The following SCN11A variants were observed in gnomAD, a reference collection of about 807,000 sequenced individuals.
SCN11A encodes the protein sodium channel protein type 11 subunit alpha.
SCN11A carries 122 observed loss-of-function variants against 162.2 expected under a neutral mutation model. The observed-to-expected ratio is 0.75, with a 90% CI of 0.65 to 0.87. The LOEUF is 0.87. Among genes scored for constraint, SCN11A ranks in the 40% least tolerant of loss-of-function variants. SCN11A has a pLI of 0.00. For synonymous variants in SCN11A, 758 were observed against 751.5 expected, an observed-to-expected ratio of 1.01 and a Z score of -0.14; for missense variants, 2,015 against 2,181.6, an observed-to-expected ratio of 0.92 and a Z score of 1.52.
intron 7 of SCN11A, among the ~76,000 whole-genome samples, chr3:38,938,829 G>T (rs1159935628): frequency 6.6e-6 from 1 of 151,366 alleles, no homozygotes; most frequent in Non-Finnish European, 1.5e-5. Context: ...CTCCCAAAGC[G>T]CTGGGATTAC....
chr3:38,852,641 C>T (rs964569955), intron 28 of SCN11A, among the ~76,000 whole-genome samples: 1 of 152,146 alleles, frequency 6.6e-6, no homozygotes, highest in Non-Finnish European at 1.5e-5. Flanking sequence ...TGTTCTATTA[C>T]TGGAAATGAA....
intron 9 of SCN11A, among the ~76,000 whole-genome samples, chr3:38,922,398 G>A (rs914148721): frequency 1.3e-5 from 2 of 152,232 alleles, no homozygotes; most frequent in African/African-American, 4.8e-5. Context: ...AAATGTGGAT[G>A]AGTGATGATT....
intron 7 of SCN11A, among the ~76,000 whole-genome samples, chr3:38,932,953 GC>G (rs2066268490): frequency 6.6e-6 from 1 of 152,208 alleles, no homozygotes. Flanking sequence ...CCCCCGAGCA[GC>G]CTAACTGGGA....
chr3:39,006,859 T>C (rs1184554962), intron 2 of SCN11A, among the ~76,000 whole-genome samples: 1 of 152,010 alleles, frequency 6.6e-6, no homozygotes, highest in Non-Finnish European at 1.5e-5. Flanking sequence ...CAGAGGACTT[T>C]AATGTCACTA....
rs946651866 is a variant in SCN11A at position 38,871,386 on chromosome 3, A to G, written c.3759+59T>C. On this transcript the variant is annotated intron_variant, in intron 25 of 29. Transcript: ENST00000302328. ...CTGCATTTTTATTAGCTGAGAAACA[A>G]TTCATGATTCTCTGAAGGTTTTTCT... 6.2e-6 allele frequency: 9 copies of G among 1,460,514 alleles called. No homozygotes were observed. The African/African-American group carries it at 9.9e-5, about 16-fold the overall frequency. The allele number at this position is 1,460,514 out of a possible 1,614,324, so 90.5% of individuals were successfully genotyped here.
intron 1 of SCN11A, among the ~76,000 whole-genome samples, chr3:39,034,393 A>T (rs939474421): frequency 1.3e-5 from 2 of 152,228 alleles, no homozygotes; most frequent in African/African-American, 4.8e-5. Context: ...CATTTGATAA[A>T]ATCCAACATC....
rs200572820 is a variant in SCN11A at position 38,876,987 on chromosome 3, GAT to G, written c.3393+2961_3393+2962del. 2.4e-3 allele frequency among the ~76,000 whole-genome samples: 366 copies of G among 149,448 alleles called. 5 individuals carry two copies. Among genetic ancestry groups the G allele is most frequent in the African/African-American group, 8.5e-3 (347 of 40,634 alleles). On this transcript the variant is annotated intron_variant, in intron 23 of 29. Coordinates refer to ENST00000302328, the MANE Select transcript of SCN11A (RefSeq NM_001349253.2). ...ATCAACCAGTGGATAAAGAAAATGT[GAT>G]ATATATATAGAGAGAGAAAGAGACA...
chr3:38,890,682 G>A (rs1265902090), intron 19 of SCN11A, among the ~76,000 whole-genome samples: 1 of 152,228 alleles, frequency 6.6e-6, no homozygotes, highest in Non-Finnish European at 1.5e-5. Context: ...GCCTAAAATC[G>A]AAGTGTAATA....
intron 5 of SCN11A, among the ~76,000 whole-genome samples, chr3:38,949,434 A>T (rs1410410032): frequency 1.3e-5 from 2 of 152,242 alleles, no homozygotes; most frequent in African/African-American, 4.8e-5. Context: ...TTGAGTTTAC[A>T]TAGAATCTGC....
Position 38,926,915 on chromosome 3 carries a change from T to A in SCN11A, c.505A>T (p.Ile169Phe). The A allele has an allele frequency of 6.2e-7, 1 of 1,612,968 alleles. No individual in the cohort carries two copies. The highest frequency in any genetic ancestry group is 8.5e-7 in the Non-Finnish European group (1 of 1,179,170). The change falls in exon 8 of 30, where the codon ATT becomes TTT. Residue 169 changes from isoleucine (I) to phenylalanine (F), a missense_variant. Coordinates refer to ENST00000302328, the MANE Select transcript of SCN11A (RefSeq NM_001349253.2). ...TTAATCAAAGCTTCAAAAATATAAA[T>A]CCCAGTGAAGACACACCTAAAAAGC... ...TDIAECVFTG[I>F]YIFEALIKIL...
At chr3:38,994,209 T>A (rs2030540086) in intron 2 of SCN11A, among the ~76,000 whole-genome samples, 1 of 152,222 alleles carries the variant, frequency 6.6e-6, no homozygotes, top group Admixed American at 6.5e-5. Context: ...ATTGCAATTA[T>A]TCTTATTTTT....
At position 38,850,333 on chromosome 3, in the gene SCN11A, G is replaced by A. The variant is rs988171592; in HGVS notation, c.4327+148C>T. 7 of 671,254 alleles carry A rather than the reference G, an allele frequency of 1.0e-5. No homozygotes were observed. In the African/African-American group the frequency reaches 1.3e-4, roughly 12 times the overall value. 41.6% of individuals were successfully genotyped at this position (671,254 alleles called of 1,614,324 possible). A position where few individuals can be genotyped will look rare whatever the true frequency, so the allele number is the denominator to read the frequency against. ...TCCTAGCAACTTCCCAGTAGAGAAT[G>A]GCATTAGTACCCCTGTCTATTCTTT... On this transcript the variant is annotated intron_variant, in intron 29 of 29. Transcript: ENST00000302328.
intron 2 of SCN11A, among the ~76,000 whole-genome samples, chr3:39,023,388 T>C (rs73064266): frequency 0.1 from 15,798 of 152,208 alleles, 1,042 homozygotes; most frequent in East Asian, 0.22. Flanking sequence ...GTCTGCTCAA[T>C]TGTCAAAACC....
At chr3:39,038,582 T>C (rs140324904) in intron 1 of SCN11A, among the ~76,000 whole-genome samples, 99 of 152,342 alleles carry the variant, frequency 6.5e-4, no homozygotes, top group African/African-American at 2.2e-3. Context: ...CAATCAAAGA[T>C]GCACTCACAC....
In SCN11A at chr3:38,846,527, T is replaced by G; in HGVS notation, c.*167A>C. The G allele has an allele frequency of 1.6e-6, 1 of 609,692 alleles. No individual in the cohort carries two copies. The highest frequency in any genetic ancestry group is 2.9e-6 in the Non-Finnish European group (1 of 344,488). The allele number at this position is 609,692 out of a possible 1,614,324, so 37.8% of individuals were successfully genotyped here. ...TAGCCTTATCTTATATCTCTGTAAG[T>G]ATTATTTAAAATGAAATTGAAATAT... On this transcript the variant is annotated 3_prime_UTR_variant, in exon 30 of 30. Coordinates refer to ENST00000302328, the MANE Select transcript of SCN11A (RefSeq NM_001349253.2).
chr3:38,924,079 G>A (rs543730714), intron 9 of SCN11A, among the ~76,000 whole-genome samples: 2 of 152,278 alleles, frequency 1.3e-5, no homozygotes, highest in East Asian at 3.9e-4. Flanking sequence ...AGAGGTGGAA[G>A]CCGGGATCTT....
chr3:39,031,552 AC>A (rs1559580143), intron 2 of SCN11A, among the ~76,000 whole-genome samples: 37 of 151,612 alleles, frequency 2.4e-4, no homozygotes, highest in African/African-American at 8.5e-4. Context: ...CAAAAAAAAA[AC>A]AAACAAAGAA....
At chr3:39,050,367 G>C (rs1445108332) in intron 1 of SCN11A, among the ~76,000 whole-genome samples, 1 of 152,118 alleles carries the variant, frequency 6.6e-6, no homozygotes, top group Non-Finnish European at 1.5e-5. Context: ...GGGACTCTAA[G>C]TTCTATGACT....
At chr3:38,919,613 G>A (rs1329567876) in intron 11 of SCN11A, among the ~76,000 whole-genome samples, 3 of 152,130 alleles carry the variant, frequency 2.0e-5, no homozygotes, top group South Asian at 2.1e-4. Flanking sequence ...AGGAAACAAG[G>A]GCCTCACAGG....
Sources: gnomAD v4.1 joint callset for allele counts (sites outside exome capture counted in the v4.1 genomes callset) on GRCh38, gnomAD v4.1.1 for gene constraint, MANE v1.5 for transcripts, NCBI Gene and HGNC (gene_info 2026-07-23, HGNC 2026-07-21) for gene names.